Variants in ADCY8 observed in about 807,000 individuals in gnomAD.
ADCY8 encodes adenylate cyclase type 8.
Under a neutral mutation model 119.7 loss-of-function variants are expected in ADCY8, and 51 were observed. The ratio of observed to expected loss-of-function variants is 0.43; its 90% CI spans 0.34 to 0.54. The LOEUF (loss-of-function observed/expected upper bound fraction) is 0.54. Ranked by LOEUF, ADCY8 falls within the 20% of genes least tolerant of loss-of-function variation. The pLI, the probability that ADCY8 is intolerant of heterozygous loss-of-function variation, is 0.03. For synonymous variants in ADCY8, 665 were observed against 651.0 expected (o/e 1.02, Z -0.33); for missense variants, 1,383 against 1,598.8 (o/e 0.87, Z 2.30).
chr8:130,980,013 G>T (rs576556222), intron 2 of ADCY8, among the ~76,000 whole-genome samples: 1 of 152,318 alleles, frequency 6.6e-6, no homozygotes, highest in Non-Finnish European at 1.5e-5. Flanking sequence ...GGAAGGTATT[G>T]TCAGGGTTGG....
chr8:130,933,167 G>A (rs1005277488), intron 5 of ADCY8, among the ~76,000 whole-genome samples: 5 of 151,874 alleles, frequency 3.3e-5, no homozygotes, highest in African/African-American at 9.7e-5. Context: ...CAAATAAAGA[G>A]GGTCAACACG....
At chr8:131,030,107 A>G (rs1823951374) in intron 1 of ADCY8, among the ~76,000 whole-genome samples, 1 of 152,128 alleles carries the variant, frequency 6.6e-6, no homozygotes, top group South Asian at 2.1e-4. Context: ...TACCAAGGAA[A>G]GTGACTTTGA....
In ADCY8 at chr8:131,040,375, G is replaced by A. The variant is rs766698587; in HGVS notation, c.-42C>T. On this transcript the variant is annotated 5_prime_UTR_variant, in exon 1 of 18. Transcript: ENST00000286355. ...GAAGGAGGCCCAGAACCTTGGGGAGGCAGCCGGAGGAGGGGTTCCTAAAGA... is the reference window on the plus strand; with the variant it reads ...GAAGGAGGCCCAGAACCTTGGGGAGACAGCCGGAGGAGGGGTTCCTAAAGA... The A allele has an allele frequency of 6.9e-7, 1 of 1,448,386 alleles. No individual in the cohort carries two copies. Among genetic ancestry groups the A allele is most frequent in the East Asian group, 2.5e-5 (1 of 40,048 alleles). 89.7% of individuals were successfully genotyped at this position (1,448,386 alleles called of 1,614,324 possible). A position where few individuals can be genotyped will look rare whatever the true frequency, so the allele number is the denominator to read the frequency against.
intron 1 of ADCY8, among the ~76,000 whole-genome samples, chr8:131,023,217 T>C (rs951157436): frequency 6.6e-6 from 1 of 152,222 alleles, no homozygotes; most frequent in Non-Finnish European, 1.5e-5. Flanking sequence ...ATCACAGCCA[T>C]TGCCCTGTGC....
intron 1 of ADCY8, among the ~76,000 whole-genome samples, chr8:131,033,880 A>G (rs1247588155): frequency 2.0e-5 from 3 of 152,068 alleles, no homozygotes; most frequent in Non-Finnish European, 4.4e-5. Context: ...TAATATTTCC[A>G]TTTCTCGGTG....
At chr8:131,013,528 C>T (rs1174213750) in intron 1 of ADCY8, among the ~76,000 whole-genome samples, 3 of 152,144 alleles carry the variant, frequency 2.0e-5, no homozygotes, top group Non-Finnish European at 2.9e-5. Context: ...ACCCCCTCCC[C>T]CAGTGATTTG....
chr8:130,923,825 G>A (rs1185825498), intron 5 of ADCY8, among the ~76,000 whole-genome samples: 2 of 151,892 alleles, frequency 1.3e-5, no homozygotes, highest in East Asian at 3.9e-4. Flanking sequence ...TCTCTTTTTT[G>A]CCATTCATCT....
chr8:130,984,968 A>T (rs577162400), intron 2 of ADCY8, among the ~76,000 whole-genome samples: 1 of 152,308 alleles, frequency 6.6e-6, no homozygotes, highest in East Asian at 1.9e-4. Flanking sequence ...GCACCAAAAG[A>T]GAACCAAGAC....
At chr8:130,881,632 A>G (rs1368640978) in intron 8 of ADCY8, among the ~76,000 whole-genome samples, 2 of 152,130 alleles carry the variant, frequency 1.3e-5, no homozygotes, top group East Asian at 3.9e-4. Flanking sequence ...AATCATAAAT[A>G]TTGTATGTAT....
intron 7 of ADCY8, among the ~76,000 whole-genome samples, chr8:130,891,864 A>C (rs1370077293): frequency 6.6e-6 from 1 of 152,166 alleles, no homozygotes; most frequent in African/African-American, 2.4e-5. Context: ...TAAGCAAGGT[A>C]TCTTAGTTAA....
Position 130,975,310 on chromosome 8 carries a change from C to T in ADCY8, c.1110+15083G>A, listed in dbSNP as rs557229984. On this transcript the variant is annotated intron_variant, in intron 2 of 17. Coordinates refer to ENST00000286355, the MANE Select transcript of ADCY8 (RefSeq NM_001115.3). ...TCCCACTCCATACCCAAAGAACATG[C>T]GTACTTGACTCTGTTTGACTATTCA... Among the ~76,000 whole-genome samples the T allele has an allele frequency of 4.5e-4, 69 of 152,322 alleles. No homozygotes were observed. In the Middle Eastern group the frequency reaches 0.01, roughly 23 times the overall value.
intron 1 of ADCY8, among the ~76,000 whole-genome samples, chr8:131,031,857 T>G (rs1824007773): frequency 6.6e-6 from 1 of 152,218 alleles, no homozygotes; most frequent in Non-Finnish European, 1.5e-5. Flanking sequence ...GATTTTTTTT[T>G]TGTGCTCTTA....
At position 130,884,717 on chromosome 8, in the gene ADCY8, G is replaced by C. The variant is rs1818912423; in HGVS notation, c.1956C>G (p.Asn652Lys). ...LTRNSINLLP[N>K]HLAQALHVQS... Reference sequence around the variant, plus strand: ...GGACATGCAAAGCTTGTGCAAGATGGTTTGGAAGCAGATTTATTGAATTTC... The same window carrying C: ...GGACATGCAAAGCTTGTGCAAGATGCTTTGGAAGCAGATTTATTGAATTTC... The change falls in exon 8 of 18, where the codon AAC (asparagine) becomes AAG (lysine). Residue 652 changes from asparagine (N) to lysine (K), a missense_variant. By Grantham distance (94) the Asn-to-Lys change is moderately conservative (BLOSUM62 0). Transcript: ENST00000286355. 6.2e-7 allele frequency: 1 copy of C among 1,613,818 alleles called. No homozygotes were observed. Among genetic ancestry groups the C allele is most frequent in the South Asian group, 1.1e-5 (1 of 91,094 alleles).
At chr8:130,925,593 TC>T (rs1414439587) in intron 5 of ADCY8, among the ~76,000 whole-genome samples, 2 of 152,092 alleles carry the variant, frequency 1.3e-5, no homozygotes, top group East Asian at 3.9e-4. Flanking sequence ...CAGCATATTT[TC>T]TATGTCACCT....
At chr8:131,033,002 T>C (rs1824042145) in intron 1 of ADCY8, among the ~76,000 whole-genome samples, 1 of 152,314 alleles carries the variant, frequency 6.6e-6, no homozygotes, top group Admixed American at 6.5e-5. Flanking sequence ...TTCTGTTACT[T>C]TAATTCTGCC....
At chr8:130,815,681 C>T (rs1816314306) in intron 13 of ADCY8, among the ~76,000 whole-genome samples, 1 of 152,158 alleles carries the variant, frequency 6.6e-6, no homozygotes, top group South Asian at 2.1e-4. Context: ...AATGAATGAA[C>T]TCATTAGTGA....
intron 12 of ADCY8, among the ~76,000 whole-genome samples, chr8:130,829,008 C>T (rs1816747581): frequency 6.6e-6 from 1 of 152,162 alleles, no homozygotes; most frequent in Non-Finnish European, 1.5e-5. Context: ...CTGGGGGAGC[C>T]AGGCAGGTCA....
chr8:131,040,317 A>G lies in ADCY8; in HGVS notation c.17T>C (p.Val6Ala), dbSNP rs1824347712. The change falls in exon 1 of 18, where the codon GTG (valine) becomes GCG (alanine). Residue 6 changes from valine to alanine, a missense_variant. Physicochemically the swap from Val to Ala is moderately conservative, Grantham distance 64 (BLOSUM62 0). Around this residue, in one of 2 missense-constraint regions of ADCY8, gnomAD observed 455 missense variants for 435.3 expected, o/e 1.05. Transcript: ENST00000286355. MELSD[V>A]RCLTGSEELY... Reference sequence around the variant, plus strand: ...TTCCTCGCTGCCTGTAAGGCAGCGCACATCGGAGAGCTCCATGGCTCTGGG... The same window carrying G: ...TTCCTCGCTGCCTGTAAGGCAGCGCGCATCGGAGAGCTCCATGGCTCTGGG... 3 of 1,532,044 alleles carry G rather than the reference A, an allele frequency of 2.0e-6. No homozygotes were observed. The highest frequency in any genetic ancestry group is 2.6e-6 in the Non-Finnish European group (3 of 1,143,724). The allele number at this position is 1,532,044 out of a possible 1,614,324, so 94.9% of individuals were successfully genotyped here. A position where few individuals can be genotyped will look rare whatever the true frequency, so the allele number is the denominator to read the frequency against.
chr8:130,913,544 C>A (rs1014262173), intron 5 of ADCY8, among the ~76,000 whole-genome samples: 1 of 152,156 alleles, frequency 6.6e-6, no homozygotes, highest in Non-Finnish European at 1.5e-5. Flanking sequence ...CAACCACAGT[C>A]TTTAAAATTT....
Sources: gnomAD v4.1 joint callset for allele counts (sites outside exome capture counted in the v4.1 genomes callset) on GRCh38, gnomAD v4.1.1 for gene constraint, gnomAD v4.1.1 regional missense constraint, MANE v1.5 for transcripts, NCBI Gene and HGNC (gene_info 2026-07-23, HGNC 2026-07-21) for gene names.